Variants in EDDM13 observed in about 807,000 individuals in gnomAD.
EDDM13 encodes the protein epididymal protein 13.
EDDM13 carries 24 observed loss-of-function variants against 17.8 expected under a neutral mutation model. The observed-to-expected ratio is 1.35, with a 90% CI of 0.98 to 1.90. EDDM13 has a LOEUF of 1.90. EDDM13 is among the 40% of genes most tolerant of loss of function. The probability of loss-of-function intolerance (pLI) is 0.00; values close to 1 mark genes in which losing one functional copy is unlikely to be tolerated. For synonymous variants in EDDM13, 31 were observed against 37.5 expected (o/e 0.83, Z 0.63); for missense variants, 97 against 100.8 (o/e 0.96, Z 0.16).
intron 14 of EDDM13, among the ~76,000 whole-genome samples, chr19:56,306,098 C>T (rs2040667409): frequency 6.6e-6 from 1 of 152,136 alleles, no homozygotes; most frequent in African/African-American, 2.4e-5. Context: ...TGGGAAGCCA[C>T]GGAAAGGCTG....
At chr19:56,278,833 C>T (rs979132898) in intron 2 of EDDM13, among the ~76,000 whole-genome samples, 3 of 152,162 alleles carry the variant, frequency 2.0e-5, no homozygotes, top group Non-Finnish European at 2.9e-5. Flanking sequence ...TTCTGACATC[C>T]AAAGCCAGGA....
intron 14 of EDDM13, among the ~76,000 whole-genome samples, chr19:56,305,995 G>A (rs1235355598): frequency 6.6e-6 from 1 of 151,818 alleles, no homozygotes; most frequent in South Asian, 2.1e-4. Context: ...GGAGTGGGAG[G>A]GCACTATGGG....
chr19:56,299,595 G>A lies in EDDM13; in HGVS notation c.295+2064G>A, dbSNP rs144394478. On this transcript the variant is annotated intron_variant, in intron 12 of 14. Coordinates refer to ENST00000649256, the MANE Select transcript of EDDM13 (RefSeq NM_001354658.2). Reference sequence around the variant, plus strand: ...CAGGGGTTGGGTCCAGGACCTCCCCGCAGATAGCAAAATTCCTTGATGTTC... The same window carrying A: ...CAGGGGTTGGGTCCAGGACCTCCCCACAGATAGCAAAATTCCTTGATGTTC... Among the ~76,000 whole-genome samples the A allele has an allele frequency of 2.8e-3, 430 of 152,230 alleles. 1 individual carries two copies. The highest frequency in any genetic ancestry group is 0.01 in the African/African-American group (419 of 41,534).
intron 9 of EDDM13, among the ~76,000 whole-genome samples, chr19:56,292,436 T>C (rs2147166010): frequency 6.6e-6 from 1 of 152,234 alleles, no homozygotes; most frequent in South Asian, 2.1e-4. Context: ...CTAATTATTT[T>C]TGGTTTTTTT....
intron 5 of EDDM13, 119 bp downstream of exon 5, chr19:56,284,325 T>A (rs1016998515): frequency 4.0e-6 from 1 of 247,876 alleles, no homozygotes; most frequent in Admixed American, 6.5e-5. Flanking sequence ...GGGTTTTAGA[T>A]GATAAAAATA....
intron 11 of EDDM13, 97 bp from the exon 12 acceptor site, chr19:56,297,408 T>G (rs968060344): frequency 3.9e-6 from 1 of 255,814 alleles, no homozygotes. Context: ...CTTCCTTTCC[T>G]CTTCCTCTTC....
At chr19:56,302,506 C>CTG (rs2040330581) in intron 13 of EDDM13, among the ~76,000 whole-genome samples, 1 of 53,328 alleles carries the variant, frequency 1.9e-5, no homozygotes, top group Non-Finnish European at 4.3e-5. Context: ...CCTCTCTGCC[C>CTG]TTCTTTCCTT....
At chr19:56,298,748 CAA>C (rs960963770) in intron 12 of EDDM13, among the ~76,000 whole-genome samples, 1 of 151,920 alleles carries the variant, frequency 6.6e-6, no homozygotes, top group African/African-American at 2.4e-5. Flanking sequence ...CTTTCAGGAT[CAA>C]GTTAGCTTTA....
intron 1 of EDDM13, among the ~76,000 whole-genome samples, chr19:56,274,182 G>A (rs1275593797): frequency 6.6e-6 from 1 of 151,990 alleles, no homozygotes; most frequent in Non-Finnish European, 1.5e-5. Context: ...GGTCGGGCGC[G>A]GTGGCTCACA....
chr19:56,294,475 A>G (rs1293183994), intron 9 of EDDM13, among the ~76,000 whole-genome samples: 2 of 152,256 alleles, frequency 1.3e-5, no homozygotes, highest in Non-Finnish European at 2.9e-5. Context: ...GACATAAGGC[A>G]GGGATCAATC....
intron 1 of EDDM13, among the ~76,000 whole-genome samples, chr19:56,273,305 T>C (rs2037993076): frequency 6.6e-6 from 1 of 152,190 alleles, no homozygotes; most frequent in Non-Finnish European, 1.5e-5. Flanking sequence ...GTTAGATAAT[T>C]CTAGTGAGAC....
chr19:56,284,895 T>C (rs1018055412), intron 5 of EDDM13, 103 bp from the exon 6 acceptor site: 10 of 461,686 alleles, frequency 2.2e-5, no homozygotes, highest in African/African-American at 1.9e-4. Flanking sequence ...CCACACTTCC[T>C]GAAGAAGAGT....
chr19:56,297,314 T>C (rs1180830174), intron 11 of EDDM13, among the ~76,000 whole-genome samples, 191 bp from the exon 12 acceptor site: 6 of 152,078 alleles, frequency 3.9e-5, no homozygotes, highest in African/African-American at 1.4e-4. Flanking sequence ...CTCCACCCAC[T>C]TCATAATTCA....
At chr19:56,291,513 G>C (rs749730123) in intron 9 of EDDM13, among the ~76,000 whole-genome samples, 2 of 152,136 alleles carry the variant, frequency 1.3e-5, no homozygotes, top group Non-Finnish European at 2.9e-5. Flanking sequence ...GAGGAGCTAG[G>C]AAGAAGGCGT....
chr19:56,281,059 T>G (rs555011450), intron 2 of EDDM13, among the ~76,000 whole-genome samples: 54 of 152,348 alleles, frequency 3.5e-4, no homozygotes, highest in Middle Eastern at 6.8e-3. Context: ...AACAGTAGAT[T>G]AACATATATT....
chr19:56,288,308 C>A (rs748245675), intron 6 of EDDM13, among the ~76,000 whole-genome samples, 77 bp from the exon 7 acceptor site: 3 of 152,186 alleles, frequency 2.0e-5, no homozygotes, highest in Non-Finnish European at 4.4e-5. Flanking sequence ...ACGCCCACAT[C>A]GTTCCCTCTG....
chr19:56,283,732 G>T (rs2038890459), intron 4 of EDDM13: 1 of 152,064 alleles, frequency 6.6e-6, no homozygotes, highest in South Asian at 2.1e-4. Flanking sequence ...AGCTGCACAG[G>T]TCTCTGCAAA....
At chr19:56,294,326 G>A (rs2039717939) in intron 9 of EDDM13, among the ~76,000 whole-genome samples, 1 of 152,226 alleles carries the variant, frequency 6.6e-6, no homozygotes, top group African/African-American at 2.4e-5. Flanking sequence ...GACAGCCTGA[G>A]TTTTAAGGCA....
At chr19:56,299,355 A>G (rs2040083640) in intron 12 of EDDM13, among the ~76,000 whole-genome samples, 1 of 152,044 alleles carries the variant, frequency 6.6e-6, no homozygotes, top group African/African-American at 2.4e-5. Context: ...CTGGTCTCAA[A>G]TTCCTGGGCC....
Sources: allele counts gnomAD v4.1 joint callset (sites outside exome capture counted in the v4.1 genomes callset), GRCh38; gene constraint gnomAD v4.1.1; transcripts MANE v1.5; gene names NCBI Gene and HGNC (gene_info 2026-07-23, HGNC 2026-07-21).